SMARCC1: variants seen among roughly 807,000 people sequenced by gnomAD.
SMARCC1 encodes SWI/SNF related BAF chromatin remodeling complex subunit C1.
In SMARCC1, 43 loss-of-function variants were observed where a neutral mutation model predicts 147.4. That is an observed-to-expected ratio of 0.29 (90% CI 0.23 to 0.38). The LOEUF is 0.38. Ranked by LOEUF, SMARCC1 falls within the 10% of genes least tolerant of loss-of-function variation. SMARCC1 has a pLI of 1.00. For synonymous variants in SMARCC1, 495 were observed against 484.4 expected (o/e 1.02, Z -0.29); for missense variants, 1,119 against 1,381.1 (o/e 0.81, Z 3.01).
chr3:47,615,451 T>A (rs2032627146), intron 25 of SMARCC1, among the ~76,000 whole-genome samples: 1 of 152,202 alleles, frequency 6.6e-6, no homozygotes, highest in African/African-American at 2.4e-5. Flanking sequence ...GGGCCTTTCT[T>A]ACAAATCATT....
chr3:47,630,835 G>A (rs529827441), intron 24 of SMARCC1, among the ~76,000 whole-genome samples: 1 of 152,250 alleles, frequency 6.6e-6, no homozygotes, highest in South Asian at 2.1e-4. Context: ...GACTGAGGTG[G>A]GCAGATTCCT....
intron 25 of SMARCC1, among the ~76,000 whole-genome samples, chr3:47,617,545 T>C (rs2032663858): frequency 6.6e-6 from 1 of 152,250 alleles, no homozygotes; most frequent in Non-Finnish European, 1.5e-5. Context: ...ACTATGTATG[T>C]GCTAGACACT....
At chr3:47,778,806 G>A (rs1267372811) in intron 1 of SMARCC1, among the ~76,000 whole-genome samples, 1 of 151,938 alleles carries the variant, frequency 6.6e-6, no homozygotes, top group Non-Finnish European at 1.5e-5. Flanking sequence ...GGGCAACACT[G>A]CAAAACCCTG....
At chr3:47,624,371 T>A (rs904039667) in intron 24 of SMARCC1, among the ~76,000 whole-genome samples, 1 of 152,076 alleles carries the variant, frequency 6.6e-6, no homozygotes, top group Non-Finnish European at 1.5e-5. Context: ...ATTACTGAAA[T>A]TTTAAGAACA....
chr3:47,649,266 A>G (rs2033157303), intron 21 of SMARCC1, among the ~76,000 whole-genome samples: 1 of 152,374 alleles, frequency 6.6e-6, no homozygotes, highest in Non-Finnish European at 1.5e-5. Context: ...GACTTTAAAA[A>G]TAATGTTATG....
At chr3:47,676,988 C>T (rs2033582829) in intron 16 of SMARCC1, among the ~76,000 whole-genome samples, 1 of 152,194 alleles carries the variant, frequency 6.6e-6, no homozygotes, top group Admixed American at 6.5e-5. Flanking sequence ...ACAGCACCCC[C>T]AAACCTATTA....
intron 10 of SMARCC1, 93 bp downstream of exon 10, chr3:47,706,315 GC>G: frequency 8.3e-7 from 1 of 1,205,442 alleles, no homozygotes; most frequent in Non-Finnish European, 1.1e-6. Flanking sequence ...CAGTTGATCT[GC>G]CCACCTCAGC....
chr3:47,614,339 A>G (rs1218674867), intron 25 of SMARCC1, among the ~76,000 whole-genome samples: 3 of 152,212 alleles, frequency 2.0e-5, no homozygotes, highest in Non-Finnish European at 4.4e-5. Context: ...TCTGCTTCAG[A>G]ACTGAACCTG....
chr3:47,662,210 C>T, intron 20 of SMARCC1, 124 bp downstream of exon 20: 2 of 852,270 alleles, frequency 2.3e-6, no homozygotes, highest in Non-Finnish European at 3.6e-6. Flanking sequence ...AATATGGTAT[C>T]TTTCACAGGT....
intron 2 of SMARCC1, among the ~76,000 whole-genome samples, chr3:47,757,444 A>G (rs182925897): frequency 9.3e-4 from 142 of 152,204 alleles, no homozygotes; most frequent in African/African-American, 3.3e-3. Context: ...CAAAATGTAA[A>G]AGACAAAAAG....
chr3:47,746,240 G>A, intron 2 of SMARCC1: 1 of 327,804 alleles, frequency 3.1e-6, no homozygotes, highest in South Asian at 6.4e-5. Context: ...CTTAAGCCCA[G>A]GAGTTCAAGA....
intron 2 of SMARCC1, among the ~76,000 whole-genome samples, chr3:47,761,432 A>C (rs1053321919): frequency 1.3e-5 from 2 of 152,172 alleles, no homozygotes; most frequent in South Asian, 4.1e-4. Flanking sequence ...ATGTGAAGAT[A>C]GATTATATGG....
rs778805294 is a variant in SMARCC1 at position 47,772,884 on chromosome 3, T to A, written c.248A>T (p.Gln83Leu). ...GGCATCTTCCTGGAACTGAAGAAGC[T>A]GCACCACCAGCCCAGCCAGTGTTTT... ...TNKTLAGLVV[Q>L]LLQFQEDAFG... The change falls in exon 2 of 28, where the codon CAG (glutamine) becomes CTG (leucine). Residue 83 changes from glutamine (Q) to leucine (L), a missense_variant. Physicochemically the swap from Gln to Leu is moderately radical, Grantham distance 113. Coordinates refer to ENST00000254480, the MANE Select transcript of SMARCC1 (RefSeq NM_003074.4). 6.2e-7 allele frequency: 1 copy of A among 1,613,586 alleles called. No individual in the cohort carries two copies. The highest frequency in any genetic ancestry group is 1.3e-5 in the African/African-American group (1 of 74,882).
At chr3:47,742,944 C>T (rs2034524780) in intron 3 of SMARCC1, among the ~76,000 whole-genome samples, 1 of 152,132 alleles carries the variant, frequency 6.6e-6, no homozygotes, top group South Asian at 2.1e-4. Context: ...CCAGGTATTC[C>T]CATTCAACCT....
intron 2 of SMARCC1, among the ~76,000 whole-genome samples, chr3:47,747,487 A>AATATAAATATAAAAC (rs1559661625): frequency 2.7e-5 from 4 of 149,720 alleles, no homozygotes; most frequent in African/African-American, 9.7e-5. Flanking sequence ...AAATATAAAA[A>AATATAAATATAAAAC]TTAGCCAGGC....
intron 9 of SMARCC1, among the ~76,000 whole-genome samples, chr3:47,708,095 T>TC (rs1559650593): frequency 1.8e-5 from 2 of 110,236 alleles, no homozygotes; most frequent in African/African-American, 7.5e-5. Context: ...TTTTTTTTTT[T>TC]TTTTTTTTTT....
chr3:47,676,372 T>C lies in SMARCC1; in HGVS notation c.1725+257A>G, dbSNP rs200109496. Among the ~76,000 whole-genome samples, 7 of 152,292 alleles carry C rather than the reference T, an allele frequency of 4.6e-5. No individual in the cohort carries two copies. The South Asian group carries it at 6.2e-4, about 14-fold the overall frequency. On this transcript the variant is annotated intron_variant, in intron 17 of 27. Coordinates refer to ENST00000254480, the MANE Select transcript of SMARCC1 (RefSeq NM_003074.4). ...ATGACAGAAGGATAATTTACTTTTATGCATATAAAAGTAAATTAATAATTT... is the reference window on the plus strand; with the variant it reads ...ATGACAGAAGGATAATTTACTTTTACGCATATAAAAGTAAATTAATAATTT...
intron 2 of SMARCC1, among the ~76,000 whole-genome samples, chr3:47,771,577 T>TA (rs2034914756): frequency 6.6e-6 from 1 of 151,760 alleles, no homozygotes; most frequent in Non-Finnish European, 1.5e-5. Flanking sequence ...CCATATCTAC[T>TA]AAAAATACAA....
chr3:47,654,652 T>G (rs2033234693), intron 21 of SMARCC1, among the ~76,000 whole-genome samples: 1 of 152,202 alleles, frequency 6.6e-6, no homozygotes, highest in African/African-American at 2.4e-5. Flanking sequence ...AGCAAAGGAT[T>G]TTGTTCTGTG....
Sources: allele counts gnomAD v4.1 joint callset (sites outside exome capture counted in the v4.1 genomes callset), GRCh38; gene constraint gnomAD v4.1.1; transcripts MANE v1.5; gene names NCBI Gene and HGNC (gene_info 2026-07-23, HGNC 2026-07-21).